D2HGDH: variants seen among roughly 807,000 people sequenced by gnomAD.
The protein encoded by D2HGDH is D-2-hydroxyglutarate dehydrogenase, mitochondrial.
D2HGDH carries 31 observed loss-of-function variants against 46.9 expected under a neutral mutation model. The ratio of observed to expected loss-of-function variants is 0.66; its 90% CI spans 0.50 to 0.89. The LOEUF is 0.89. Ranked by LOEUF, D2HGDH falls within the 40% of genes least tolerant of loss-of-function variation. The pLI is 0.00. For missense variants in D2HGDH, 698 were observed against 720.8 expected (o/e 0.97, Z 0.36); for synonymous variants, 364 against 332.6 (o/e 1.09, Z -1.03).
intron 7 of D2HGDH, 90 bp downstream of exon 7, chr2:241,750,384 G>C (rs533922628): frequency 1.2e-5 from 18 of 1,499,218 alleles, no homozygotes; most frequent in East Asian, 7.1e-5. Context: ...CCGGGTGGGC[G>C]GGGGGTGCCC....
At chr2:241,735,999 G>A (rs961383550) in intron 2 of D2HGDH, 1 of 175,852 alleles carries the variant, frequency 5.7e-6, no homozygotes, top group Non-Finnish European at 1.2e-5. Context: ...TTGACCTCGT[G>A]ATCCGTCCGC....
At chr2:241,754,285 A>G (rs1240269360) in intron 8 of D2HGDH, among the ~76,000 whole-genome samples, 1 of 152,184 alleles carries the variant, frequency 6.6e-6, no homozygotes, top group Non-Finnish European at 1.5e-5. Context: ...AAGGGACCGT[A>G]GGAGGGGCTC....
At chr2:241,749,288 A>C in intron 6 of D2HGDH, 1 of 1,286,750 alleles carries the variant, frequency 7.8e-7, no homozygotes, top group Admixed American at 2.3e-5. Flanking sequence ...CTCCTGTGTC[A>C]CCCAGTGCAG....
At chr2:241,752,130 A>C in intron 8 of D2HGDH, among the ~76,000 whole-genome samples, 1 of 151,896 alleles carries the variant, frequency 6.6e-6, no homozygotes, top group Non-Finnish European at 1.5e-5. Flanking sequence ...GCAGGACTTT[A>C]CTCCCGCTTA....
rs369498498 is a variant in D2HGDH, at chr2:241,744,701, G to A, written c.685-8G>A. ...CAGGTGGGTGAACGTGCTTCTCTTTGCCCCAAGGTGCTGGCCGACGGCACT... is the reference window on the plus strand; with the variant it reads ...CAGGTGGGTGAACGTGCTTCTCTTTACCCCAAGGTGCTGGCCGACGGCACT... On this transcript the variant is annotated splice_region_variant and splice_polypyrimidine_tract_variant and intron_variant, in intron 5 of 9. Transcript: ENST00000321264. 73 of 1,614,192 alleles carry A rather than the reference G, an allele frequency of 4.5e-5. No homozygotes were observed. In the African/African-American group the frequency reaches 4.9e-4, roughly 11 times the overall value.
intron 1 of D2HGDH, 129 bp from the exon 2 acceptor site, chr2:241,735,004 G>A (rs959095140): frequency 5.5e-6 from 3 of 543,680 alleles, no homozygotes; most frequent in African/African-American, 2.0e-5. Context: ...GTTGCGGCCC[G>A]GGCAGGGGGA....
At position 241,743,779 on chromosome 2, in the gene D2HGDH, TG is replaced by T; in HGVS notation, c.650del (p.Gly217AlafsTer23). ...NAGGLRFLRY[G>X]SLHGTVLGLE... Reference sequence around the variant, plus strand: ...CTGGAGGCCTGCGGTTTCTTCGATATGGCTCACTGCATGGGACTGTCCTGGG... The same window carrying T: ...CTGGAGGCCTGCGGTTTCTTCGATATGCTCACTGCATGGGACTGTCCTGGG... On this transcript the variant is annotated frameshift_variant, in exon 5 of 10. Transcript: ENST00000321264. LOFTEE classifies it high-confidence loss of function. This position sits in a 1 kb window ranked among gnomAD's most constrained non-coding sequence, Gnocchi z 4.8. 6.2e-7 allele frequency: 1 copy of T among 1,609,142 alleles called. No individual in the cohort carries two copies. The highest frequency in any genetic ancestry group is 8.5e-7 in the Non-Finnish European group (1 of 1,178,102).
rs1349514609 is a variant in D2HGDH, at chr2:241,743,577, C to T, written c.491-45C>T. 1.3e-6 allele frequency: 2 copies of T among 1,593,566 alleles called. No homozygotes were observed. The highest frequency in any genetic ancestry group is 1.1e-5 in the South Asian group (1 of 88,666). ...GGGTTGGGACTCACCAGCCCGGGGG[C>T]CCACTGGAAGCCAAGTGCTGCGGCA... On this transcript the variant is annotated intron_variant, in intron 4 of 9. Coordinates refer to ENST00000321264, the MANE Select transcript of D2HGDH (RefSeq NM_152783.5). The surrounding 1 kb of genome is among the most constrained non-coding windows in gnomAD (Gnocchi z 4.8).
chr2:241,755,199 C>T (rs868047433), intron 8 of D2HGDH: 5 of 1,294,112 alleles, frequency 3.9e-6, no homozygotes, highest in African/African-American at 1.5e-5. Context: ...CGCCGTGTCC[C>T]TCCTCCTCCA....
chr2:241,735,576 T>C, intron 2 of D2HGDH, 60 bp downstream of exon 2: 1 of 1,589,944 alleles, frequency 6.3e-7, no homozygotes, highest in Non-Finnish European at 8.5e-7. Flanking sequence ...CGCCTTCCCG[T>C]GGAGGCTTCA....
intron 8 of D2HGDH, chr2:241,754,869 C>G (rs1324721339): frequency 3.7e-6 from 2 of 543,214 alleles, no homozygotes; most frequent in Non-Finnish European, 5.6e-6. Flanking sequence ...TCCCAAAGCT[C>G]TGGGAATACA....
rs368722069 is a variant in D2HGDH, at chr2:241,743,372, TG to T, written c.491-247del. On this transcript the variant is annotated intron_variant, in intron 4 of 9. Coordinates refer to ENST00000321264, the MANE Select transcript of D2HGDH (RefSeq NM_152783.5). This position sits in a 1 kb window ranked among gnomAD's most constrained non-coding sequence, Gnocchi z 4.8. ...TCCTTTCCACGAGTGTGTGTGGGGG[TG>T]GGAAGTTTTTTCCTCTCTTTTCATG... 9.0e-4 allele frequency among the ~76,000 whole-genome samples: 137 copies of T among 152,234 alleles called. No homozygotes were observed. The highest frequency in any genetic ancestry group is 3.2e-3 in the African/African-American group (133 of 41,540).
intron 8 of D2HGDH, among the ~76,000 whole-genome samples, chr2:241,753,238 G>A (rs997154321): frequency 6.6e-6 from 1 of 152,200 alleles, no homozygotes; most frequent in Admixed American, 6.5e-5. Context: ...TAGGTGTGCG[G>A]CTCGATGAGT....
At chr2:241,739,969 AC>A (rs1402759862) in intron 2 of D2HGDH, among the ~76,000 whole-genome samples, 1 of 152,124 alleles carries the variant, frequency 6.6e-6, no homozygotes. Context: ...ACATGGTGAA[AC>A]CCTGTTTCTA....
At chr2:241,741,116 C>G (rs770901945) in intron 3 of D2HGDH, 26 bp downstream of exon 3, 1 of 1,609,206 alleles carries the variant, frequency 6.2e-7, no homozygotes. Flanking sequence ...CCGGCTCCCC[C>G]AGCCTTCCCT....
Position 241,742,755 on chromosome 2 carries a change from A to G in D2HGDH, c.490+181A>G, listed in dbSNP as rs144292761. On this transcript the variant is annotated intron_variant, in intron 4 of 9. Coordinates refer to ENST00000321264, the MANE Select transcript of D2HGDH (RefSeq NM_152783.5). This position sits in a 1 kb window ranked among gnomAD's most constrained non-coding sequence, Gnocchi z 4.8. The stretch of plus-strand genomic sequence containing the variant: ...CCCACCTCGCCCGGCCCCTCCAGAC[A>G]TGCGTGCTGGTGAGGGCTTGTCATT... Among the ~76,000 whole-genome samples the G allele has an allele frequency of 1.3e-5, 2 of 152,298 alleles. No individual in the cohort carries two copies. Among genetic ancestry groups the G allele is most frequent in the East Asian group, 3.9e-4 (2 of 5,180 alleles).
At chr2:241,740,951 A>AAAG in intron 2 of D2HGDH, 82 bp from the exon 3 acceptor site, 1 of 1,140,876 alleles carries the variant, frequency 8.8e-7, no homozygotes, top group Non-Finnish European at 1.3e-6. Context: ...AAAAAAAAAA[A>AAAG]CTCGCTCTCT....
rs1401496641 is a variant in D2HGDH at position 241,755,236 on chromosome 2, C to T, written c.1141-613C>T. The T allele has an allele frequency of 7.2e-6, 8 of 1,115,886 alleles. No homozygotes were observed. In the African/African-American group the frequency reaches 1.1e-4, roughly 15 times the overall value. 69.1% of individuals were successfully genotyped at this position (1,115,886 alleles called of 1,614,324 possible). ...GGCCCGCCCACCGTGTCCTTCCCTC[C>T]CCCGTGGCCCACCCACCATGTCCTT... On this transcript the variant is annotated intron_variant, in intron 8 of 9. Transcript: ENST00000321264.
chr2:241,755,186 G>T (rs187360247), intron 8 of D2HGDH: 69 of 1,293,332 alleles, frequency 5.3e-5, no homozygotes, highest in Non-Finnish European at 6.6e-5. Flanking sequence ...CCCGTGGCCC[G>T]CCCGCCGTGT....
Sources: gnomAD v4.1 joint callset for allele counts (sites outside exome capture counted in the v4.1 genomes callset) on GRCh38, gnomAD v4.1.1 for gene constraint, Gnocchi (gnomAD v3.1) non-coding constraint, MANE v1.5 for transcripts, NCBI Gene and HGNC (gene_info 2026-07-23, HGNC 2026-07-21) for gene names.